The following CNTNAP2 variants were observed in gnomAD, a reference collection of about 807,000 sequenced individuals.
CNTNAP2 encodes the protein contactin associated protein 2.
A neutral mutation model predicts 155.2 loss-of-function variants in CNTNAP2; 98 were observed. The observed-to-expected ratio is 0.63, with a 90% CI of 0.54 to 0.75. CNTNAP2 has a LOEUF of 0.75. Among genes scored for constraint, CNTNAP2 ranks in the 30% least tolerant of loss-of-function variants. CNTNAP2 has a pLI of 0.00. For missense variants in CNTNAP2, 1,727 were observed against 1,688.1 expected, an observed-to-expected ratio of 1.02 and a Z score of -0.40; for synonymous variants, 651 against 631.2, an observed-to-expected ratio of 1.03 and a Z score of -0.47.
chr7:146,721,893 T>A (rs76487286), intron 1 of CNTNAP2, among the ~76,000 whole-genome samples: 32,169 of 90,252 alleles, frequency 0.36, 7,170 homozygotes, highest in Non-Finnish European at 0.41. Flanking sequence ...ATATATATTT[T>A]TTTTTTTTTT....
At chr7:146,971,602 T>C (rs1395498729) in intron 3 of CNTNAP2, among the ~76,000 whole-genome samples, 1 of 152,174 alleles carries the variant, frequency 6.6e-6, no homozygotes, top group Admixed American at 6.6e-5. Context: ...CAGGTTCTGC[T>C]GAAGAGGCTT....
At chr7:146,456,311 T>C (rs1478528949) in intron 1 of CNTNAP2, among the ~76,000 whole-genome samples, 1 of 152,198 alleles carries the variant, frequency 6.6e-6, no homozygotes, top group African/African-American at 2.4e-5. Context: ...AACAGCAGAC[T>C]AGCAAATCAC....
At chr7:147,712,436 C>T (rs916488207) in intron 13 of CNTNAP2, among the ~76,000 whole-genome samples, 2 of 152,170 alleles carry the variant, frequency 1.3e-5, no homozygotes, top group African/African-American at 4.8e-5. Flanking sequence ...GCTGTAAAGA[C>T]ACATGCACAT....
In CNTNAP2 at chr7:146,467,212, T is replaced by C. The variant is rs116758072; in HGVS notation, c.98-307059T>C. 6.1e-3 allele frequency among the ~76,000 whole-genome samples: 931 copies of C among 152,270 alleles called. 6 individuals are homozygous for C. The highest frequency in any genetic ancestry group is 0.02 in the African/African-American group (834 of 41,568). On this transcript the variant is annotated intron_variant, in intron 1 of 23. Coordinates refer to ENST00000361727, the MANE Select transcript of CNTNAP2 (RefSeq NM_014141.6). ...CAAGTATATTACCACTTCTTAACTA[T>C]ATTACTACCATCTGGTCTTCTATTC...
chr7:147,047,171 C>G (rs1250411378), intron 4 of CNTNAP2, among the ~76,000 whole-genome samples: 1 of 120,434 alleles, frequency 8.3e-6, no homozygotes, highest in African/African-American at 3.3e-5. Context: ...TGCAGTTGTG[C>G]AATCTTGGCT....
At chr7:147,838,490 C>A (rs1798668609) in intron 13 of CNTNAP2, among the ~76,000 whole-genome samples, 1 of 152,088 alleles carries the variant, frequency 6.6e-6, no homozygotes, top group African/African-American at 2.4e-5. Flanking sequence ...TAAGAGCACC[C>A]AAGTCACCTC....
chr7:146,842,826 C>A (rs1473890782), intron 3 of CNTNAP2, among the ~76,000 whole-genome samples: 1 of 151,474 alleles, frequency 6.6e-6, no homozygotes, highest in Non-Finnish European at 1.5e-5. Flanking sequence ...GCTGGGACCA[C>A]AGGCGCCCGC....
At chr7:148,163,916 ACC>A (rs2116678292) in intron 17 of CNTNAP2, among the ~76,000 whole-genome samples, 1 of 152,248 alleles carries the variant, frequency 6.6e-6, no homozygotes, top group East Asian at 1.9e-4. Context: ...CTGCACTGAC[ACC>A]ACAGGTATTT....
chr7:147,732,314 T>C (rs1796756879), intron 13 of CNTNAP2, among the ~76,000 whole-genome samples: 1 of 152,066 alleles, frequency 6.6e-6, no homozygotes. Flanking sequence ...TGCGATAGTT[T>C]GCTCAGAATG....
At position 148,283,239 on chromosome 7, in the gene CNTNAP2, CAAAAAAAAAA is replaced by C. The variant is rs1199411040; in HGVS notation, c.3475+16123_3475+16132del. Among the ~76,000 whole-genome samples the C allele has an allele frequency of 1.8e-4, 5 of 27,964 alleles. 1 individual carries two copies. Among genetic ancestry groups the C allele is most frequent in the Admixed American group, 6.0e-4 (1 of 1,672 alleles). 18.3% of individuals were successfully genotyped at this position (27,964 alleles called of 152,430 possible). ...CTGGGCAACAAAAGCAACTCTGTCT[CAAAAAAAAAA>C]AAAAAAAAAGAAAGAAAGAAAGAAA... On this transcript the variant is annotated intron_variant, in intron 21 of 23. Coordinates refer to ENST00000361727, the MANE Select transcript of CNTNAP2 (RefSeq NM_014141.6).
intron 3 of CNTNAP2, among the ~76,000 whole-genome samples, chr7:146,961,512 T>G (rs1048845097): frequency 6.6e-6 from 1 of 152,216 alleles, no homozygotes; most frequent in African/African-American, 2.4e-5. Flanking sequence ...TAAGGGTAAC[T>G]TTCTTTCATT....
At chr7:146,601,743 C>G (rs906849063) in intron 1 of CNTNAP2, among the ~76,000 whole-genome samples, 1 of 151,926 alleles carries the variant, frequency 6.6e-6, no homozygotes, top group African/African-American at 2.4e-5. Flanking sequence ...CAGTATGATA[C>G]TGGTTCAAAG....
intron 2 of CNTNAP2, among the ~76,000 whole-genome samples, chr7:146,792,141 A>G (rs1224925510): frequency 6.6e-6 from 1 of 152,172 alleles, no homozygotes; most frequent in African/African-American, 2.4e-5. Flanking sequence ...AGGCACCTCA[A>G]TTAGACATTC....
chr7:146,486,133 C>T (rs1167045319), intron 1 of CNTNAP2, among the ~76,000 whole-genome samples: 1 of 133,000 alleles, frequency 7.5e-6, no homozygotes, highest in Non-Finnish European at 1.5e-5. Context: ...GGCACGATCT[C>T]AGCTCACTGC....
At chr7:147,280,038 T>C (rs1162388125) in intron 8 of CNTNAP2, among the ~76,000 whole-genome samples, 1 of 151,922 alleles carries the variant, frequency 6.6e-6, no homozygotes, top group African/African-American at 2.4e-5. Flanking sequence ...GGACTCTTTC[T>C]GCCTTTTGTA....
At chr7:147,594,125 CTTTTT>C (rs397827040) in intron 12 of CNTNAP2, among the ~76,000 whole-genome samples, 1 of 120,072 alleles carries the variant, frequency 8.3e-6, no homozygotes. Context: ...TCTGGTGTCT[CTTTTT>C]TTTTTTTTTT....
At chr7:147,100,023 G>C (rs987143228) in intron 4 of CNTNAP2, among the ~76,000 whole-genome samples, 8 of 152,118 alleles carry the variant, frequency 5.3e-5, no homozygotes, top group African/African-American at 1.7e-4. Flanking sequence ...ATATATGAGA[G>C]TTATAACCCT....
chr7:147,006,718 A>T (rs1211054592), intron 3 of CNTNAP2, among the ~76,000 whole-genome samples: 1 of 152,054 alleles, frequency 6.6e-6, no homozygotes, highest in Non-Finnish European at 1.5e-5. Context: ...CTTCATATAC[A>T]CTTCTAGTCA....
At chr7:147,889,474 G>A (rs1799651136) in intron 13 of CNTNAP2, among the ~76,000 whole-genome samples, 2 of 152,138 alleles carry the variant, frequency 1.3e-5, no homozygotes, top group African/African-American at 2.4e-5. Flanking sequence ...GCTATTGTGA[G>A]CCTATTGATA....
Sources: gnomAD v4.1 joint callset for allele counts (sites outside exome capture counted in the v4.1 genomes callset) on GRCh38, gnomAD v4.1.1 for gene constraint, MANE v1.5 for transcripts, NCBI Gene and HGNC (gene_info 2026-07-23, HGNC 2026-07-21) for gene names.